Variants in FAM76B observed in about 807,000 individuals in gnomAD.
The protein encoded by FAM76B is family with sequence similarity 76 member B.
In FAM76B, 16 loss-of-function variants were observed where a neutral mutation model predicts 51.8. That is an observed-to-expected ratio of 0.31 (90% CI 0.21 to 0.47). The LOEUF is 0.47. FAM76B is among the 20% of genes least tolerant of loss of function. The pLI, the probability that FAM76B is intolerant of heterozygous loss-of-function variation, is 1.00. For synonymous variants in FAM76B, 166 were observed against 129.5 expected (o/e 1.28, Z -1.91); for missense variants, 342 against 392.6 (o/e 0.87, Z 1.09).
intron 1 of FAM76B, 131 bp from the exon 2 acceptor site, chr11:95,788,694 T>C (rs1028603632): frequency 3.3e-6 from 4 of 1,213,082 alleles, no homozygotes; most frequent in African/African-American, 1.5e-5. Context: ...CGTAAAGAAC[T>C]GGATGCTTTA....
intron 1 of FAM76B, 71 bp downstream of exon 1, chr11:95,789,321 C>A: frequency 1.3e-6 from 2 of 1,489,222 alleles, no homozygotes; most frequent in South Asian, 2.4e-5. Flanking sequence ...GGCTGCAGTG[C>A]AGCGGCTACC....
chr11:95,789,686 G>A lies in FAM76B; in HGVS notation c.-208C>T, dbSNP rs1267027533. The A allele has an allele frequency of 3.9e-6, 2 of 510,024 alleles. No homozygotes were observed. Among genetic ancestry groups the A allele is most frequent in the South Asian group, 2.8e-5 (1 of 36,208 alleles). 31.6% of individuals were successfully genotyped at this position (510,024 alleles called of 1,614,324 possible). On this transcript the variant is annotated 5_prime_UTR_variant, in exon 1 of 10. Transcript: ENST00000358780. ...CTCCACTTCCGCCCCAGCCCACCCA[G>A]TGACGCCGTGCCAGCCGCTCCCGCT...
chr11:95,788,473 A>T (rs373512480), intron 2 of FAM76B, 26 bp downstream of exon 2: 1 of 1,541,038 alleles, frequency 6.5e-7, no homozygotes, highest in Non-Finnish European at 9.0e-7. Context: ...TGTCTTTAAC[A>T]GTCAAAAACT....
chr11:95,781,983 G>C (rs1303907551), intron 5 of FAM76B, among the ~76,000 whole-genome samples: 3 of 152,106 alleles, frequency 2.0e-5, no homozygotes, highest in African/African-American at 7.2e-5. Context: ...GGCATCAGTT[G>C]TTTGTAAATT....
chr11:95,784,296 G>A (rs969270668), intron 4 of FAM76B, among the ~76,000 whole-genome samples: 1 of 152,040 alleles, frequency 6.6e-6, no homozygotes, highest in Non-Finnish European at 1.5e-5. Context: ...AGATGGTGGA[G>A]GGTAGAAGAG....
rs1055332685 is a variant in FAM76B at position 95,769,497 on chromosome 11, T to G, written c.*2064A>C. The stretch of plus-strand genomic sequence containing the variant: ...AACTGAATTACCTTCCATTTTAATG[T>G]TAGCTAATATTAATATTCAACTTTT... On this transcript the variant is annotated 3_prime_UTR_variant, in exon 10 of 10. Coordinates refer to ENST00000358780, the MANE Select transcript of FAM76B (RefSeq NM_144664.5). 1.3e-5 allele frequency: 2 copies of G among 152,184 alleles called. No individual in the cohort carries two copies. Among genetic ancestry groups the G allele is most frequent in the African/African-American group, 4.8e-5 (2 of 41,374 alleles). 9.4% of individuals were successfully genotyped at this position (152,184 alleles called of 1,614,324 possible).
rs1485215900 is a variant in FAM76B at position 95,789,540 on chromosome 11, C to A, written c.-62G>T. On this transcript the variant is annotated 5_prime_UTR_variant, in exon 1 of 10. Transcript: ENST00000358780. ...CCGAGGCGGGGCCCTACGGAGAACC[C>A]GAGAGCCGCCGCCGCCCGGGCCGCG... 22 of 1,470,992 alleles carry A rather than the reference C, an allele frequency of 1.5e-5. No individual in the cohort carries two copies. The highest frequency in any genetic ancestry group is 7.3e-5 in the African/African-American group (5 of 68,808). The allele number at this position is 1,470,992 out of a possible 1,614,324, so 91.1% of individuals were successfully genotyped here.
chr11:95,788,656 C>A, intron 1 of FAM76B, 93 bp from the exon 2 acceptor site: 1 of 1,353,216 alleles, frequency 7.4e-7, no homozygotes, highest in South Asian at 1.3e-5. Flanking sequence ...TAGTGAAAGT[C>A]TAAAACATTT....
At chr11:95,779,042 C>A (rs907481558) in intron 7 of FAM76B, 85 bp from the exon 8 acceptor site, 13 of 1,594,712 alleles carry the variant, frequency 8.2e-6, no homozygotes, top group Non-Finnish European at 1.0e-5. Flanking sequence ...GACAATTCCA[C>A]AAACATCCTT....
intron 5 of FAM76B, among the ~76,000 whole-genome samples, chr11:95,782,238 G>A (rs1860311744): frequency 6.6e-6 from 1 of 152,034 alleles, no homozygotes; most frequent in African/African-American, 2.4e-5. Context: ...TCCCCCCACA[G>A]GTCACTTTAA....
chr11:95,786,072 C>T, intron 4 of FAM76B, 47 bp downstream of exon 4: 1 of 1,575,214 alleles, frequency 6.3e-7, no homozygotes, highest in Non-Finnish European at 8.6e-7. Flanking sequence ...ACTTGTTTGG[C>T]ATTTTATTTA....
At position 95,785,951 on chromosome 11, in the gene FAM76B, A is replaced by C. The variant is rs567598508; in HGVS notation, c.363+168T>G. 4.6e-5 allele frequency among the ~76,000 whole-genome samples: 7 copies of C among 152,376 alleles called. No homozygotes were observed. The East Asian group carries it at 1.3e-3, about 29-fold the overall frequency. On this transcript the variant is annotated intron_variant, in intron 4 of 9. Coordinates refer to ENST00000358780, the MANE Select transcript of FAM76B (RefSeq NM_144664.5). ...TAAAGTATAGTACATGAATCTATGT[A>C]TCATGCAAACAAAGAGAAAACTCAC...
intron 4 of FAM76B, among the ~76,000 whole-genome samples, chr11:95,783,982 T>C (rs114188239): frequency 8.4e-4 from 128 of 152,332 alleles, no homozygotes; most frequent in African/African-American, 2.9e-3. Flanking sequence ...TGCTGTATAG[T>C]GTTCCTAGGC....
chr11:95,778,685 G>T, intron 8 of FAM76B, 137 bp downstream of exon 8: 1 of 1,097,796 alleles, frequency 9.1e-7, no homozygotes, highest in Non-Finnish European at 1.2e-6. Context: ...GGCTTCAGGG[G>T]CTTTTGTAAT....
rs1233627368 is a variant in FAM76B, at chr11:95,786,209, T to C, written c.273A>G (p.Thr91=). ...AFIGTKCQRC[T]NSEKKYGPPQ... ...GTGGTCCATACTTTTTTTCTGAATTTGTGCAACGCTGACACTTGGTACCAA... is the reference window on the plus strand; with the variant it reads ...GTGGTCCATACTTTTTTTCTGAATTCGTGCAACGCTGACACTTGGTACCAA... Residue 91 remains threonine, a synonymous_variant, in exon 4 of 10, where the codon ACA becomes ACG. Transcript: ENST00000358780. 6.2e-7 allele frequency: 1 copy of C among 1,614,174 alleles called. No individual in the cohort carries two copies. Among genetic ancestry groups the C allele is most frequent in the Non-Finnish European group, 8.5e-7 (1 of 1,180,012 alleles).
rs568874939 is a variant in FAM76B at position 95,771,507 on chromosome 11, ATTTT to A, written c.*50_*53del. On this transcript the variant is annotated 3_prime_UTR_variant, in exon 10 of 10. Coordinates refer to ENST00000358780, the MANE Select transcript of FAM76B (RefSeq NM_144664.5). ...ACACAGAATTTAAGGGCTTCACAGAATTTTTTTTCCCCAAATTTACATTGTAAGA... is the reference window on the plus strand; with the variant it reads ...ACACAGAATTTAAGGGCTTCACAGAATTTTCCCCAAATTTACATTGTAAGA... 6.8e-7 allele frequency: 1 copy of A among 1,461,758 alleles called. No homozygotes were observed. The highest frequency in any genetic ancestry group is 2.3e-5 in the East Asian group (1 of 43,218). The allele number at this position is 1,461,758 out of a possible 1,614,324, so 90.5% of individuals were successfully genotyped here. A position where few individuals can be genotyped will look rare whatever the true frequency, so the allele number is the denominator to read the frequency against.
intron 5 of FAM76B, among the ~76,000 whole-genome samples, chr11:95,780,826 T>C (rs573764007): frequency 3.2e-4 from 49 of 152,156 alleles, no homozygotes; most frequent in Non-Finnish European, 5.6e-4. Flanking sequence ...AAATGAGTTA[T>C]ATATGTAAAA....
intron 7 of FAM76B, 48 bp from the exon 8 acceptor site, chr11:95,779,005 T>C: frequency 6.2e-7 from 1 of 1,600,766 alleles, no homozygotes; most frequent in Non-Finnish European, 8.5e-7. Flanking sequence ...GAAGGAAAAT[T>C]AGCAGGTGTT....
In FAM76B at chr11:95,770,829, G is replaced by T. The variant is rs1046689206; in HGVS notation, c.*732C>A. The T allele has an allele frequency of 2.0e-5, 3 of 151,638 alleles. No individual in the cohort carries two copies. The highest frequency in any genetic ancestry group is 7.3e-5 in the African/African-American group (3 of 41,330). The allele number at this position is 151,638 out of a possible 1,614,324, so 9.4% of individuals were successfully genotyped here. ...ATTAAACATGATTTTAAAACAAAAT[G>T]TATGTACAAAAGATCAGCATTCCTA... is the stretch of plus-strand genomic sequence containing the variant. On this transcript the variant is annotated 3_prime_UTR_variant, in exon 10 of 10. Transcript: ENST00000358780.
Sources: allele counts gnomAD v4.1 joint callset (sites outside exome capture counted in the v4.1 genomes callset), GRCh38; gene constraint gnomAD v4.1.1; transcripts MANE v1.5; gene names NCBI Gene and HGNC (gene_info 2026-07-23, HGNC 2026-07-21).